The following SUCLG2 variants were observed in gnomAD, a reference collection of about 807,000 sequenced individuals.
The protein encoded by SUCLG2 is succinate--CoA ligase [GDP-forming] subunit beta, mitochondrial.
Under a neutral mutation model 47.9 loss-of-function variants are expected in SUCLG2, and 42 were observed. That is an observed-to-expected ratio of 0.88 (90% CI 0.69 to 1.14). SUCLG2 has a LOEUF of 1.14. SUCLG2 is among the 50% of genes most tolerant of loss of function. The probability of loss-of-function intolerance (pLI) is 0.00; values close to 1 mark genes in which losing one functional copy is unlikely to be tolerated. For synonymous variants in SUCLG2, 195 were observed against 197.3 expected (o/e 0.99, Z 0.10); for missense variants, 571 against 525.9 (o/e 1.09, Z -0.84).
At chr3:67,368,513 ATTTC>A (rs1701905664) in intron 10 of SUCLG2, among the ~76,000 whole-genome samples, 1 of 151,660 alleles carries the variant, frequency 6.6e-6, no homozygotes. Context: ...AGTTCCTTTA[ATTTC>A]TTTATTTCCC....
chr3:67,534,241 G>GA (rs568608421), intron 2 of SUCLG2, among the ~76,000 whole-genome samples: 21 of 151,584 alleles, frequency 1.4e-4, no homozygotes, highest in African/African-American at 4.1e-4. Flanking sequence ...TCCCTATTAT[G>GA]AAAAAAAATC....
At chr3:67,396,382 T>C (rs888632318) in intron 10 of SUCLG2, among the ~76,000 whole-genome samples, 1 of 152,174 alleles carries the variant, frequency 6.6e-6, no homozygotes, top group East Asian at 1.9e-4. Flanking sequence ...CATCAGAGAA[T>C]ACTACAAACA....
intron 1 of SUCLG2, among the ~76,000 whole-genome samples, chr3:67,627,921 C>T (rs993947717): frequency 6.6e-5 from 10 of 152,154 alleles, no homozygotes; most frequent in Non-Finnish European, 1.3e-4. Flanking sequence ...CAACCTCTTC[C>T]TTTTATCTTG....
intron 9 of SUCLG2, among the ~76,000 whole-genome samples, chr3:67,416,540 G>A (rs1703043725): frequency 6.6e-6 from 1 of 151,958 alleles, no homozygotes; most frequent in Non-Finnish European, 1.5e-5. Context: ...GAGACAATTT[G>A]GTATCCTATT....
chr3:67,562,913 A>T (rs1707346248), intron 2 of SUCLG2, among the ~76,000 whole-genome samples: 1 of 152,064 alleles, frequency 6.6e-6, no homozygotes, highest in African/African-American at 2.4e-5. Flanking sequence ...ACATATAAAA[A>T]ATTATCTATA....
chr3:67,395,713 T>C (rs1200159063), intron 10 of SUCLG2, among the ~76,000 whole-genome samples: 1 of 152,108 alleles, frequency 6.6e-6, no homozygotes, highest in East Asian at 1.9e-4. Context: ...ATCAACAGAA[T>C]ATACATTTTT....
chr3:67,587,409 T>A (rs908898026), intron 2 of SUCLG2, among the ~76,000 whole-genome samples: 1 of 152,258 alleles, frequency 6.6e-6, no homozygotes, highest in Non-Finnish European at 1.5e-5. Flanking sequence ...AATTCCCATA[T>A]TGCGTCTGCA....
intron 5 of SUCLG2, 123 bp downstream of exon 5, chr3:67,520,359 A>G: frequency 7.2e-7 from 1 of 1,398,412 alleles, no homozygotes; most frequent in Non-Finnish European, 1.0e-6. Flanking sequence ...AGGGCTCAGC[A>G]TCTTCTTACC....
intron 4 of SUCLG2, among the ~76,000 whole-genome samples, chr3:67,523,871 T>A (rs1378424861): frequency 6.6e-6 from 1 of 152,142 alleles, no homozygotes; most frequent in Non-Finnish European, 1.5e-5. Context: ...AATTATAACT[T>A]TTTAGGATAA....
At position 67,527,413 on chromosome 3, in the gene SUCLG2, C is replaced by T. The variant is rs142546279; in HGVS notation, c.417+719G>A. Among the ~76,000 whole-genome samples the T allele has an allele frequency of 4.4e-3, 671 of 152,278 alleles. 8 individuals are homozygous for T. In the East Asian group the frequency reaches 0.053, roughly 12 times the overall value. On this transcript the variant is annotated intron_variant, in intron 4 of 10. Transcript: ENST00000307227. ...CTGTCTTGAAATTTTAACACGGGTC[C>T]CTGCCTTTTTATTTGGCACTGGATT...
At chr3:67,459,207 T>TA (rs1446577778) in intron 9 of SUCLG2, among the ~76,000 whole-genome samples, 1 of 152,120 alleles carries the variant, frequency 6.6e-6, no homozygotes, top group African/African-American at 2.4e-5. Context: ...CTATTTAAGC[T>TA]AACGTGGCCT....
At chr3:67,626,774 C>T (rs539652751) in intron 1 of SUCLG2, among the ~76,000 whole-genome samples, 1 of 151,968 alleles carries the variant, frequency 6.6e-6, no homozygotes, top group Non-Finnish European at 1.5e-5. Flanking sequence ...ATTAGCTGGG[C>T]GTGGTGGCGG....
intron 2 of SUCLG2, among the ~76,000 whole-genome samples, chr3:67,607,150 A>C (rs1271862074): frequency 1.3e-5 from 2 of 152,192 alleles, no homozygotes; most frequent in African/African-American, 4.8e-5. Flanking sequence ...TGCATTCCCA[A>C]GGCTGAAGGA....
intron 10 of SUCLG2, among the ~76,000 whole-genome samples, chr3:67,395,859 T>G (rs1328970419): frequency 6.6e-6 from 1 of 152,160 alleles, no homozygotes; most frequent in Non-Finnish European, 1.5e-5. Flanking sequence ...AACTCAGGAT[T>G]AAGAAACTCA....
At chr3:67,436,469 A>C (rs1282037024) in intron 9 of SUCLG2, among the ~76,000 whole-genome samples, 1 of 152,150 alleles carries the variant, frequency 6.6e-6, no homozygotes, top group East Asian at 1.9e-4. Flanking sequence ...ATCTTCATTG[A>C]ATGGCATTTA....
chr3:67,523,701 C>T (rs932742927), intron 4 of SUCLG2, among the ~76,000 whole-genome samples: 1 of 152,040 alleles, frequency 6.6e-6, no homozygotes, highest in Non-Finnish European at 1.5e-5. Flanking sequence ...GAAGAGAAAG[C>T]TGTTTTAAGA....
chr3:67,632,863 T>C (rs1046107461), intron 1 of SUCLG2, among the ~76,000 whole-genome samples: 2 of 152,164 alleles, frequency 1.3e-5, no homozygotes, highest in African/African-American at 4.8e-5. Context: ...GATCCTGCTT[T>C]TGAGGATACA....
intron 2 of SUCLG2, among the ~76,000 whole-genome samples, chr3:67,560,404 T>C (rs1374565932): frequency 1.3e-5 from 2 of 152,190 alleles, no homozygotes; most frequent in Non-Finnish European, 2.9e-5. Context: ...TTTGTGCTAC[T>C]TTGCTATGGC....
At chr3:67,400,339 A>G (rs948072743) in intron 10 of SUCLG2, among the ~76,000 whole-genome samples, 1 of 152,144 alleles carries the variant, frequency 6.6e-6, no homozygotes, top group Non-Finnish European at 1.5e-5. Context: ...TTAATTTATC[A>G]ATTAAATCAA....
Sources: allele counts gnomAD v4.1 joint callset (sites outside exome capture counted in the v4.1 genomes callset), GRCh38; gene constraint gnomAD v4.1.1; transcripts MANE v1.5; gene names NCBI Gene and HGNC (gene_info 2026-07-23, HGNC 2026-07-21).